Variants in PKHD1 observed in about 807,000 individuals in gnomAD.
PKHD1 encodes the protein PKHD1 ciliary IPT domain containing fibrocystin/polyductin, also known as fibrocystin.
A neutral mutation model predicts 412.0 loss-of-function variants in PKHD1; 291 were observed. That is an observed-to-expected ratio of 0.71 (90% confidence interval 0.64 to 0.78). PKHD1 has a LOEUF of 0.78. Among genes scored for constraint, PKHD1 ranks in the 30% least tolerant of loss-of-function variants. PKHD1 has a pLI of 0.00. For missense variants in PKHD1, 4,825 were observed against 4,950.7 expected (o/e 0.97, Z 0.76); for synonymous variants, 1,777 against 1,821.5 (o/e 0.98, Z 0.62).
At chr6:51,816,490 C>T (rs544649498) in intron 52 of PKHD1, among the ~76,000 whole-genome samples, 1 of 152,320 alleles carries the variant, frequency 6.6e-6, no homozygotes, top group South Asian at 2.1e-4. Flanking sequence ...GGCAATAGAG[C>T]TGGATGGGAG....
At chr6:52,027,548 AAGAAG>A (rs1802394032) in intron 31 of PKHD1, among the ~76,000 whole-genome samples, 3 of 134,474 alleles carry the variant, frequency 2.2e-5, no homozygotes, top group East Asian at 4.3e-4. Context: ...AAAAAAAAAA[AAGAAG>A]AAGAAGAAGA....
rs1307005683 is a variant in PKHD1 at position 52,025,741 on chromosome 6, G to A, written c.4069C>T (p.His1357Tyr). The change falls in exon 32 of 67, where the codon CAC (histidine) becomes TAC (tyrosine). Residue 1357 changes from histidine (H) to tyrosine (Y), a missense_variant. Coordinates refer to ENST00000371117, the MANE Select transcript of PKHD1 (RefSeq NM_138694.4). ...GGATAGATGCCAGCCTCCAGACTGT[G>A]AAGAGGGATGGAGCATCCAGACAGG... is the stretch of plus-strand genomic sequence containing the variant. ...VSLSGCSIPL[H>Y]SLEAGIYPLQ... 6.2e-7 allele frequency: 1 copy of A among 1,614,190 alleles called. No individual in the cohort carries two copies. Among genetic ancestry groups the A allele is most frequent in the South Asian group, 1.1e-5 (1 of 91,082 alleles).
chr6:52,016,059 T>G (rs192814645), intron 34 of PKHD1, among the ~76,000 whole-genome samples: 1 of 152,152 alleles, frequency 6.6e-6, no homozygotes, highest in South Asian at 2.1e-4. Context: ...CCTACTGACA[T>G]GTACTTCCTG....
chr6:51,819,012 T>C lies in PKHD1; in HGVS notation c.8302+11849A>G, dbSNP rs117359569. 2.2e-4 allele frequency among the ~76,000 whole-genome samples: 33 copies of C among 152,352 alleles called. No individual in the cohort carries two copies. The East Asian group carries it at 5.0e-3, about 23-fold the overall frequency. On this transcript the variant is annotated intron_variant, in intron 52 of 66. Transcript: ENST00000371117. The stretch of plus-strand genomic sequence containing the variant: ...ATAATAATTTTCAGGGTTTTTTTAT[T>C]CACAGAAGACTTAATCTTCCTAATA...
At chr6:51,823,252 T>C (rs1766754554) in intron 52 of PKHD1, among the ~76,000 whole-genome samples, 1 of 152,140 alleles carries the variant, frequency 6.6e-6, no homozygotes, top group African/African-American at 2.4e-5. Context: ...ATAAAAGTAG[T>C]TATTCTCTAG....
intron 8 of PKHD1, 123 bp from the exon 9 acceptor site, chr6:52,071,193 A>G (rs1810560638): frequency 1.3e-6 from 1 of 743,578 alleles, no homozygotes; most frequent in South Asian, 1.4e-5. Context: ...TGGTAGACAG[A>G]GAAAGTATAA....
At chr6:52,002,785 A>G (rs1454501118) in intron 35 of PKHD1, among the ~76,000 whole-genome samples, 1 of 152,228 alleles carries the variant, frequency 6.6e-6, no homozygotes, top group Admixed American at 6.5e-5. Context: ...TAGGGAATAA[A>G]AAGTATTTTC....
In PKHD1 at chr6:51,923,625, G is replaced by A. The variant is rs1222277339; in HGVS notation, c.6121+10485C>T. On this transcript the variant is annotated intron_variant, in intron 37 of 66. Coordinates refer to ENST00000371117, the MANE Select transcript of PKHD1 (RefSeq NM_138694.4). ...ATAAAATCAAAGGCAGAAACCATAA[G>A]AGAAAATATTTGTAGATTTGCCATC... 2.0e-5 allele frequency among the ~76,000 whole-genome samples: 3 copies of A among 152,008 alleles called. No individual in the cohort carries two copies. In the South Asian group the frequency reaches 6.2e-4, roughly 32 times the overall value.
At chr6:51,775,679 A>G in intron 54 of PKHD1, 129 bp downstream of exon 54, 1 of 617,784 alleles carries the variant, frequency 1.6e-6, no homozygotes. Flanking sequence ...GAAATAATAA[A>G]TATAAATTGC....
intron 62 of PKHD1, 123 bp downstream of exon 62, chr6:51,648,962 C>T: frequency 2.2e-6 from 2 of 917,312 alleles, no homozygotes; most frequent in Non-Finnish European, 3.6e-6. Flanking sequence ...GCTCTAAGTG[C>T]AACAAATTGC....
intron 60 of PKHD1, among the ~76,000 whole-genome samples, chr6:51,720,195 C>G (rs896098138): frequency 3.3e-5 from 5 of 152,154 alleles, no homozygotes; most frequent in Admixed American, 6.5e-5. Context: ...AACATCACCA[C>G]CATGGATCAC....
chr6:51,902,600 C>T (rs577971787), intron 43 of PKHD1, among the ~76,000 whole-genome samples: 25 of 152,314 alleles, frequency 1.6e-4, no homozygotes, highest in Admixed American at 3.9e-4. Context: ...AGAAGCTCAT[C>T]CTCTGAGTTC....
chr6:51,675,077 C>T (rs976319841), intron 60 of PKHD1, among the ~76,000 whole-genome samples: 1 of 152,038 alleles, frequency 6.6e-6, no homozygotes, highest in Non-Finnish European at 1.5e-5. Context: ...TTTAATCAAT[C>T]CTCCTATTTT....
intron 5 of PKHD1, among the ~76,000 whole-genome samples, chr6:52,079,230 G>T (rs1310703975): frequency 6.6e-6 from 1 of 152,158 alleles, no homozygotes; most frequent in African/African-American, 2.4e-5. Flanking sequence ...CCCAGTATAG[G>T]TATCAAGGCT....
At chr6:51,993,391 C>G (rs997467601) in intron 35 of PKHD1, among the ~76,000 whole-genome samples, 2 of 152,180 alleles carry the variant, frequency 1.3e-5, no homozygotes. Flanking sequence ...GGACAGGTAC[C>G]GAACACTTGA....
intron 35 of PKHD1, among the ~76,000 whole-genome samples, chr6:51,961,322 C>G (rs1791991865): frequency 6.6e-6 from 1 of 152,106 alleles, no homozygotes; most frequent in Admixed American, 6.6e-5. Context: ...GTTGCAGACC[C>G]AACACAATCA....
intron 66 of PKHD1, among the ~76,000 whole-genome samples, chr6:51,624,396 T>G (rs1010043175): frequency 1.3e-5 from 2 of 152,236 alleles, no homozygotes; most frequent in African/African-American, 4.8e-5. Context: ...TCCTGAGAAC[T>G]TGAGACAATT....
At chr6:51,917,258 A>G (rs1441836677) in intron 37 of PKHD1, among the ~76,000 whole-genome samples, 1 of 152,046 alleles carries the variant, frequency 6.6e-6, no homozygotes. Flanking sequence ...TAATGTTTGC[A>G]TCAGAATAAA....
intron 33 of PKHD1, among the ~76,000 whole-genome samples, chr6:52,019,856 G>T (rs1282105814): frequency 6.6e-6 from 1 of 152,322 alleles, no homozygotes; most frequent in East Asian, 1.9e-4. Flanking sequence ...TTCTCCTATG[G>T]TTAGAAGTAC....
Sources: allele counts gnomAD v4.1 joint callset (sites outside exome capture counted in the v4.1 genomes callset), GRCh38; gene constraint gnomAD v4.1.1; transcripts MANE v1.5; gene names NCBI Gene and HGNC (gene_info 2026-07-23, HGNC 2026-07-21).